Variants in TRPC1 observed in about 807,000 individuals in gnomAD.
The protein encoded by TRPC1 is short transient receptor potential channel 1.
A neutral mutation model predicts 88.2 loss-of-function variants in TRPC1; 42 were observed. The observed-to-expected ratio is 0.48, with a 90% CI of 0.37 to 0.62. The LOEUF is 0.62. TRPC1 is among the 20% of genes least tolerant of loss of function. The pLI is 0.00. For synonymous variants in TRPC1, 288 were observed against 331.8 expected (o/e 0.87, Z 1.43); for missense variants, 699 against 957.3 (o/e 0.73, Z 3.56).
chr3:142,749,533 T>C (rs1934677542), intron 4 of TRPC1, among the ~76,000 whole-genome samples: 1 of 152,190 alleles, frequency 6.6e-6, no homozygotes, highest in Admixed American at 6.5e-5. Context: ...TGGAAGACAG[T>C]GATATTGATC....
intron 7 of TRPC1, among the ~76,000 whole-genome samples, chr3:142,790,634 G>T (rs1363542799): frequency 6.6e-6 from 1 of 152,084 alleles, no homozygotes; most frequent in East Asian, 1.9e-4. Context: ...TTGTGCGGGG[G>T]TGTGTACGTG....
intron 4 of TRPC1, among the ~76,000 whole-genome samples, chr3:142,771,327 T>A (rs1935567620): frequency 1.3e-5 from 2 of 152,146 alleles, no homozygotes; most frequent in South Asian, 4.1e-4. Flanking sequence ...CTTGTCAAAG[T>A]CAGTGTCAGA....
At chr3:142,745,093 T>A (rs1238165408) in intron 3 of TRPC1, among the ~76,000 whole-genome samples, 1 of 152,212 alleles carries the variant, frequency 6.6e-6, no homozygotes, top group Non-Finnish European at 1.5e-5. Context: ...GATAGTACCA[T>A]CTAGTTTAAG....
chr3:142,788,534 T>A lies in TRPC1; in HGVS notation c.1298-2485T>A, dbSNP rs1043919824. On this transcript the variant is annotated intron_variant, in intron 7 of 12. Coordinates refer to ENST00000476941, the MANE Select transcript of TRPC1 (RefSeq NM_001251845.2). ...TTTGAAAAGCCTTTGAGATATTTTT[T>A]AAATATCCCTTTTAGGGATGTCAAG... Among the ~76,000 whole-genome samples, 41 of 152,034 alleles carry A rather than the reference T, an allele frequency of 2.7e-4. 1 individual carries two copies. The highest frequency in any genetic ancestry group is 7.9e-4 in the Admixed American group (12 of 15,230).
At chr3:142,750,081 TTAAAC>T (rs1934699986) in intron 4 of TRPC1, among the ~76,000 whole-genome samples, 1 of 152,146 alleles carries the variant, frequency 6.6e-6, no homozygotes, top group Admixed American at 6.5e-5. Context: ...TGGGATCTAA[TTAAAC>T]TAAAGAGCTT....
chr3:142,728,160 T>C (rs936583642), intron 1 of TRPC1, among the ~76,000 whole-genome samples: 1 of 152,080 alleles, frequency 6.6e-6, no homozygotes, highest in Non-Finnish European at 1.5e-5. Flanking sequence ...AAATCTGATG[T>C]GCGGTAAATG....
Position 142,804,506 on chromosome 3 carries a change from C to T in TRPC1, c.2030C>T (p.Thr677Met), listed in dbSNP as rs143387100. The part of the protein sequence containing the change: ...LWLSYFDDKC[T>M]LPPPFNIIPS... ...CTTAGCTACTTTGATGACAAATGTA[C>T]GTTACCTCCACCTTTCAACATCATT... Residue 677 changes from threonine to methionine, a missense_variant, in exon 12 of 13, where the codon ACG becomes ATG. By Grantham distance (81) the Thr-to-Met change is moderately conservative (BLOSUM62 -1). Coordinates refer to ENST00000476941, the MANE Select transcript of TRPC1 (RefSeq NM_001251845.2). The T allele has an allele frequency of 9.3e-6, 15 of 1,613,506 alleles. No individual in the cohort carries two copies. The highest frequency in any genetic ancestry group is 4.0e-5 in the African/African-American group (3 of 74,894).
chr3:142,740,828 T>A (rs1396077268), intron 2 of TRPC1, among the ~76,000 whole-genome samples: 2 of 152,066 alleles, frequency 1.3e-5, no homozygotes, highest in African/African-American at 2.4e-5. Flanking sequence ...TGGAATTAAG[T>A]CAAGTTAGCA....
chr3:142,736,372 T>C lies in TRPC1; in HGVS notation c.173-7T>C, dbSNP rs1314936555. 2 of 1,577,212 alleles carry C rather than the reference T, an allele frequency of 1.3e-6. No individual in the cohort carries two copies. The highest frequency in any genetic ancestry group is 1.7e-6 in the Non-Finnish European group (2 of 1,163,278). Reference sequence around the variant, plus strand: ...ATATTAAATTATGTTTGTATATTGTTATTTAGGTGACTATTATATGGTTAA... The same window carrying C: ...ATATTAAATTATGTTTGTATATTGTCATTTAGGTGACTATTATATGGTTAA... On this transcript the variant is annotated splice_region_variant and splice_polypyrimidine_tract_variant and intron_variant, in intron 1 of 12. Coordinates refer to ENST00000476941, the MANE Select transcript of TRPC1 (RefSeq NM_001251845.2).
Position 142,791,060 on chromosome 3 carries a change from T to A in TRPC1, c.1339T>A (p.Leu447Met). ...SDIKRLWYEGLEDFLEESRNQ... is the reference protein window; with the variant it reads ...SDIKRLWYEGMEDFLEESRNQ... ...CATTAAAAGACTCTGGTATGAAGGG[T>A]TGGAAGACTTTTTAGAAGAATCTCG... Residue 447 changes from leucine to methionine, a missense_variant, in exon 8 of 13, where the codon TTG becomes ATG. Physicochemically the swap from Leu to Met is conservative, Grantham distance 15 (BLOSUM62 2). Transcript: ENST00000476941. 1 of 1,611,002 alleles carries A rather than the reference T, an allele frequency of 6.2e-7. No homozygotes were observed. Among genetic ancestry groups the A allele is most frequent in the Non-Finnish European group, 8.5e-7 (1 of 1,178,744 alleles).
intron 2 of TRPC1, among the ~76,000 whole-genome samples, chr3:142,741,527 GA>G (rs1560095115): frequency 6.6e-6 from 1 of 152,158 alleles, no homozygotes; most frequent in African/African-American, 2.4e-5. Context: ...GTTGTGCATT[GA>G]TAGTGATTTT....
chr3:142,761,707 AC>A (rs111777756), intron 4 of TRPC1, among the ~76,000 whole-genome samples: 10,604 of 152,016 alleles, frequency 0.07, 1,195 homozygotes, highest in African/African-American at 0.24. Context: ...GGTCTTGGGC[AC>A]TTCTTTGATG....
Position 142,806,789 on chromosome 3 carries a change from T to G in TRPC1, c.*554T>G, listed in dbSNP as rs1300064881. 6.6e-6 allele frequency: 1 copy of G among 152,058 alleles called. No individual in the cohort carries two copies. The highest frequency in any genetic ancestry group is 1.5e-5 in the Non-Finnish European group (1 of 67,982). 9.4% of individuals were successfully genotyped at this position (152,058 alleles called of 1,614,324 possible). On this transcript the variant is annotated 3_prime_UTR_variant, in exon 13 of 13. Coordinates refer to ENST00000476941, the MANE Select transcript of TRPC1 (RefSeq NM_001251845.2). ...CAAAGAAAAAACCCTAATATTTGAA[T>G]CTATTTATGTCTTTCAATTTAAATT...
chr3:142,769,691 T>C (rs1186003370), intron 4 of TRPC1, among the ~76,000 whole-genome samples: 1 of 152,180 alleles, frequency 6.6e-6, no homozygotes, highest in East Asian at 1.9e-4. Context: ...TTTAAATAAC[T>C]TTCTTGTTAT....
At chr3:142,734,127 G>A (rs1013243904) in intron 1 of TRPC1, among the ~76,000 whole-genome samples, 1 of 152,130 alleles carries the variant, frequency 6.6e-6, no homozygotes, top group Non-Finnish European at 1.5e-5. Context: ...CTCTGAATAA[G>A]GCTAAAAATA....
intron 1 of TRPC1, among the ~76,000 whole-genome samples, chr3:142,729,654 G>A (rs923681127): frequency 2.0e-5 from 3 of 152,040 alleles, no homozygotes; most frequent in African/African-American, 7.2e-5. Flanking sequence ...TATTATATAG[G>A]TATTATCGTA....
intron 4 of TRPC1, among the ~76,000 whole-genome samples, chr3:142,760,707 C>T (rs1001176029): frequency 3.3e-5 from 5 of 152,098 alleles, no homozygotes; most frequent in Admixed American, 1.3e-4. Flanking sequence ...TCTTCCAGTA[C>T]GTGAGCATGG....
In TRPC1 at chr3:142,724,533, C is replaced by T. The variant is rs944885618; in HGVS notation, c.-27C>T. On this transcript the variant is annotated 5_prime_UTR_variant, in exon 1 of 13. Coordinates refer to ENST00000476941, the MANE Select transcript of TRPC1 (RefSeq NM_001251845.2). The surrounding 1 kb of genome is among the most constrained non-coding windows in gnomAD (Gnocchi z 5.6). ...GCCGGTGGGGGCCCCGCCCCCGTCT[C>T]CTGGCCTGCCCCCTTCATGGGCCGC... 1 of 1,519,208 alleles carries T rather than the reference C, an allele frequency of 6.6e-7. No individual in the cohort carries two copies. Among genetic ancestry groups the T allele is most frequent in the African/African-American group, 1.4e-5 (1 of 70,054 alleles). The allele number at this position is 1,519,208 out of a possible 1,614,324, so 94.1% of individuals were successfully genotyped here.
At chr3:142,759,192 G>T (rs1020067445) in intron 4 of TRPC1, among the ~76,000 whole-genome samples, 1 of 152,158 alleles carries the variant, frequency 6.6e-6, no homozygotes, top group Admixed American at 6.5e-5. Context: ...TATATACCCA[G>T]TAATGGGATG....
Sources: gnomAD v4.1 joint callset for allele counts (sites outside exome capture counted in the v4.1 genomes callset) on GRCh38, gnomAD v4.1.1 for gene constraint, Gnocchi (gnomAD v3.1) non-coding constraint, MANE v1.5 for transcripts, NCBI Gene and HGNC (gene_info 2026-07-23, HGNC 2026-07-21) for gene names.